TOGARAM1: variants seen among roughly 807,000 people sequenced by gnomAD.
TOGARAM1 encodes the protein TOG array regulator of axonemal microtubules protein 1.
In TOGARAM1, 100 loss-of-function variants were observed where a neutral mutation model predicts 166.6. That is an observed-to-expected ratio of 0.60 (90% CI 0.51 to 0.71). The LOEUF is 0.71. Among genes scored for constraint, TOGARAM1 ranks in the 30% least tolerant of loss-of-function variants. TOGARAM1 has a pLI of 0.00. For missense variants in TOGARAM1, 2,029 were observed against 2,102.7 expected (o/e 0.96, Z 0.69); for synonymous variants, 758 against 763.8 (o/e 0.99, Z 0.13).
intron 1 of TOGARAM1, among the ~76,000 whole-genome samples, chr14:44,990,250 A>G (rs1198574967): frequency 2.0e-5 from 3 of 152,236 alleles, no homozygotes; most frequent in African/African-American, 4.8e-5. Context: ...AGACCGTAAA[A>G]TCAAAACCCA....
intron 7 of TOGARAM1, among the ~76,000 whole-genome samples, chr14:45,023,739 G>C (rs1460825569): frequency 6.6e-6 from 1 of 151,980 alleles, no homozygotes; most frequent in African/African-American, 2.4e-5. Flanking sequence ...CTACTCCATG[G>C]CATAACTTTT....
chr14:45,054,242 C>T (rs1882521604), intron 15 of TOGARAM1, among the ~76,000 whole-genome samples, 189 bp from the exon 16 acceptor site: 1 of 152,060 alleles, frequency 6.6e-6, no homozygotes, highest in African/African-American at 2.4e-5. Flanking sequence ...CCATTAGTCA[C>T]GTATTTTGTT....
intron 7 of TOGARAM1, among the ~76,000 whole-genome samples, chr14:45,018,658 T>C (rs1382476877): frequency 6.6e-6 from 1 of 152,178 alleles, no homozygotes; most frequent in African/African-American, 2.4e-5. Flanking sequence ...ATTAGAAACT[T>C]TTTTTGGTAA....
Position 44,963,139 on chromosome 14 carries a change from A to G in TOGARAM1, c.718A>G (p.Ile240Val). ...AGCTTCCACAGCACTACTGCTTCCC[A>G]TCTTGCTTACTACTGAGGACTTGTT... The part of the protein sequence containing the change: ...LRASTALLLP[I>V]LLTTEDLLLG... The change falls in exon 1 of 20, where the codon ATC becomes GTC. Residue 240 changes from isoleucine to valine, a missense_variant. This residue lies in a region of TOGARAM1 where 1,453 missense variants were observed against 1,432.2 expected (regional missense o/e 1.01). Transcript: ENST00000361462. 6.2e-7 allele frequency: 1 copy of G among 1,614,158 alleles called. No individual in the cohort carries two copies. Among genetic ancestry groups the G allele is most frequent in the Non-Finnish European group, 8.5e-7 (1 of 1,180,016 alleles).
rs779869465 is a variant in TOGARAM1, at chr14:44,963,752, T to C, written c.1331T>C (p.Leu444Pro). The change falls in exon 1 of 20, where the codon CTG becomes CCG. Residue 444 changes from leucine to proline, a missense_variant. This residue lies in a region of TOGARAM1 where 1,453 missense variants were observed against 1,432.2 expected (regional missense o/e 1.01). Transcript: ENST00000361462. ...GTTATAGCAGCTTCTGTCAAAGTGC[T>C]GGCGGACAACAAGTTGGTGATCAAA... ...GPVIAASVKV[L>P]ADNKLVIKQE... 3 of 1,613,908 alleles carry C rather than the reference T, an allele frequency of 1.9e-6. No homozygotes were observed. Among genetic ancestry groups the C allele is most frequent in the East Asian group, 2.2e-5 (1 of 44,874 alleles).
In TOGARAM1 at chr14:44,981,963, C is replaced by T. The variant is rs866898812; in HGVS notation, c.2047-13783C>T. Among the ~76,000 whole-genome samples, 2 of 151,568 alleles carry T rather than the reference C, an allele frequency of 1.3e-5. 1 individual carries two copies. Among genetic ancestry groups the T allele is most frequent in the South Asian group, 4.2e-4 (2 of 4,810 alleles). ...GGTTCAAGTGATTCTCCTACCTAGC[C>T]TCCTGAATAGCTGGGATTACAGGGG... On this transcript the variant is annotated intron_variant, in intron 1 of 19. Transcript: ENST00000361462.
chr14:45,014,132 G>A (rs534428351), intron 7 of TOGARAM1, among the ~76,000 whole-genome samples: 23 of 146,344 alleles, frequency 1.6e-4, no homozygotes, highest in East Asian at 1.0e-3. Context: ...TGCAAGCTCC[G>A]CCTCCCAGGT....
chr14:45,048,597 C>T (rs1882201900), intron 14 of TOGARAM1, among the ~76,000 whole-genome samples: 1 of 152,114 alleles, frequency 6.6e-6, no homozygotes, highest in African/African-American at 2.4e-5. Flanking sequence ...CATGGCTCAC[C>T]TCAGTTCACT....
At chr14:45,014,970 C>T (rs1172024335) in intron 7 of TOGARAM1, among the ~76,000 whole-genome samples, 2 of 152,150 alleles carry the variant, frequency 1.3e-5, no homozygotes, top group Non-Finnish European at 2.9e-5. Flanking sequence ...ACCTCCTCTT[C>T]CTACCTTCCT....
intron 14 of TOGARAM1, among the ~76,000 whole-genome samples, chr14:45,047,235 C>A (rs1226311003): frequency 6.6e-6 from 1 of 151,652 alleles, no homozygotes; most frequent in African/African-American, 2.4e-5. Context: ...ACTAAAAATA[C>A]AATAAAATTA....
chr14:45,050,602 C>T (rs1465462485), intron 14 of TOGARAM1, among the ~76,000 whole-genome samples: 1 of 151,672 alleles, frequency 6.6e-6, no homozygotes, highest in East Asian at 1.9e-4. Flanking sequence ...CCACAAAACC[C>T]ACAAAAGCCT....
In TOGARAM1 at chr14:44,963,171, T is replaced by G; in HGVS notation, c.750T>G (p.Gly250=). 1 of 1,614,206 alleles carries G rather than the reference T, an allele frequency of 6.2e-7. No homozygotes were observed. Among genetic ancestry groups the G allele is most frequent in the Non-Finnish European group, 8.5e-7 (1 of 1,180,042 alleles). The change falls in exon 1 of 20, where the codon GGT becomes GGG. Residue 250 remains glycine, a synonymous_variant. Coordinates refer to ENST00000361462, the MANE Select transcript of TOGARAM1 (RefSeq NM_001308120.2). ...ILLTTEDLLL[G]LDLTEVIISL... ...TTACTACTGAGGACTTGTTGCTTGG[T>G]CTGGATCTCACCGAGGTGATAATAT...
At chr14:45,070,849 T>C (rs1433329484) in intron 18 of TOGARAM1, among the ~76,000 whole-genome samples, 2 of 152,238 alleles carry the variant, frequency 1.3e-5, no homozygotes, top group Non-Finnish European at 2.9e-5. Flanking sequence ...GTTTCTATTA[T>C]TATTTCAAAA....
chr14:45,046,902 T>C (rs141300753), intron 14 of TOGARAM1, among the ~76,000 whole-genome samples, 199 bp downstream of exon 14: 1 of 152,282 alleles, frequency 6.6e-6, no homozygotes, highest in East Asian at 1.9e-4. Flanking sequence ...AATTTACAGA[T>C]GACACTACAT....
intron 14 of TOGARAM1, among the ~76,000 whole-genome samples, chr14:45,051,284 T>C (rs965740506): frequency 6.6e-6 from 1 of 152,136 alleles, no homozygotes; most frequent in Non-Finnish European, 1.5e-5. Context: ...AAGTTTTGGC[T>C]AGGGAAAAAC....
intron 7 of TOGARAM1, among the ~76,000 whole-genome samples, chr14:45,012,421 T>C (rs141659024): frequency 6.6e-6 from 1 of 152,306 alleles, no homozygotes; most frequent in East Asian, 1.9e-4. Context: ...CAGCATAGTT[T>C]GGGAACCACT....
At position 45,027,284 on chromosome 14, in the gene TOGARAM1, G is replaced by A. The variant is rs776944265; in HGVS notation, c.3329-15G>A. 2 of 1,611,514 alleles carry A rather than the reference G, an allele frequency of 1.2e-6. No homozygotes were observed. The highest frequency in any genetic ancestry group is 1.1e-5 in the South Asian group (1 of 90,422). ...ATAATTAGTTAATGACTATTTGGTG[G>A]TTGGTTGATTTCAGGCGTATTTGGA... is the stretch of plus-strand genomic sequence containing the variant. On this transcript the variant is annotated splice_polypyrimidine_tract_variant and intron_variant, in intron 8 of 19. Coordinates refer to ENST00000361462, the MANE Select transcript of TOGARAM1 (RefSeq NM_001308120.2).
At chr14:45,045,770 A>T (rs1469119680) in intron 13 of TOGARAM1, among the ~76,000 whole-genome samples, 6 of 144,048 alleles carry the variant, frequency 4.2e-5, no homozygotes, top group Admixed American at 3.5e-4. Flanking sequence ...TATATATATA[A>T]AACATTTTCT....
intron 17 of TOGARAM1, among the ~76,000 whole-genome samples, chr14:45,067,701 C>G (rs1010912917): frequency 5.3e-5 from 8 of 151,990 alleles, no homozygotes; most frequent in African/African-American, 1.7e-4. Context: ...GTTATATTTT[C>G]TGATATCTAT....
Sources: allele counts gnomAD v4.1 joint callset (sites outside exome capture counted in the v4.1 genomes callset), GRCh38; gene constraint gnomAD v4.1.1; regional missense constraint gnomAD v4.1.1; transcripts MANE v1.5; gene names NCBI Gene and HGNC (gene_info 2026-07-23, HGNC 2026-07-21).